Variants in KCNIP1 observed in about 807,000 individuals in gnomAD.
The protein encoded by KCNIP1 is potassium voltage-gated channel interacting protein 1.
KCNIP1 carries 18 observed loss-of-function variants against 33.0 expected under a neutral mutation model. The ratio of observed to expected loss-of-function variants is 0.55; its 90% CI spans 0.38 to 0.81. The LOEUF is 0.81. Among genes scored for constraint, KCNIP1 ranks in the 30% least tolerant of loss-of-function variants. The pLI is 0.00. For missense variants in KCNIP1, 238 were observed against 271.6 expected (o/e 0.88, Z 0.87); for synonymous variants, 93 against 98.3 (o/e 0.95, Z 0.32).
chr5:170,471,670 C>T (rs1756731213), intron 1 of KCNIP1, among the ~76,000 whole-genome samples: 1 of 152,146 alleles, frequency 6.6e-6, no homozygotes, highest in South Asian at 2.1e-4. Flanking sequence ...GGGCCAGGTG[C>T]TGAACTGAAC....
chr5:170,644,884 T>G (rs1760726141), intron 1 of KCNIP1, among the ~76,000 whole-genome samples: 1 of 152,204 alleles, frequency 6.6e-6, no homozygotes, highest in Admixed American at 6.5e-5. Flanking sequence ...GGCCCCAACA[T>G]AGCTTGGCCT....
intron 1 of KCNIP1, among the ~76,000 whole-genome samples, chr5:170,359,605 C>G (rs997870826): frequency 6.6e-6 from 1 of 152,192 alleles, no homozygotes; most frequent in African/African-American, 2.4e-5. Context: ...TGCTTTGTCA[C>G]AGGAAGAAAG....
intron 1 of KCNIP1, among the ~76,000 whole-genome samples, chr5:170,470,177 T>C (rs1279806115): frequency 6.6e-6 from 1 of 152,020 alleles, no homozygotes; most frequent in Non-Finnish European, 1.5e-5. Context: ...GCCCCCACTT[T>C]CTCCTTTCCT....
intron 1 of KCNIP1, among the ~76,000 whole-genome samples, chr5:170,395,424 T>A (rs1371768551): frequency 6.6e-6 from 1 of 152,196 alleles, no homozygotes; most frequent in Non-Finnish European, 1.5e-5. Flanking sequence ...TCGGGATAGA[T>A]TTCATCAAAG....
intron 1 of KCNIP1, among the ~76,000 whole-genome samples, chr5:170,477,090 T>C (rs1756872388): frequency 1.3e-5 from 2 of 152,176 alleles, no homozygotes; most frequent in Non-Finnish European, 2.9e-5. Context: ...TACTTTCTGC[T>C]CAATTTTACT....
In KCNIP1 at chr5:170,354,087, G is replaced by T. The variant is rs551962950; in HGVS notation, c.88+123G>T. ...GGTCTTGGAAAAAGCTGGGGAAATT[G>T]GTGGCTGGGATTCGAGGTTGCTGAC... is the stretch of plus-strand genomic sequence containing the variant. On this transcript the variant is annotated intron_variant, in intron 1 of 7. Coordinates refer to the KCNIP1 transcript ENST00000377360. The T allele has an allele frequency of 1.1e-4, 100 of 940,456 alleles. No individual in the cohort carries two copies. The East Asian group carries it at 2.5e-3, about 23-fold the overall frequency. The allele number at this position is 940,456 out of a possible 1,614,324, so 58.3% of individuals were successfully genotyped here.
At chr5:170,583,519 TCTCTC>T (rs1757875564) in intron 1 of KCNIP1, among the ~76,000 whole-genome samples, 1 of 152,122 alleles carries the variant, frequency 6.6e-6, no homozygotes, top group Non-Finnish European at 1.5e-5. Flanking sequence ...GCATCTAAGT[TCTCTC>T]CTTCCTCTCC....
At position 170,685,733 on chromosome 5, in the gene KCNIP1, C is replaced by T. The variant is rs902549525; in HGVS notation, c.62-33025C>T. 3.3e-5 allele frequency among the ~76,000 whole-genome samples: 5 copies of T among 152,066 alleles called. No homozygotes were observed. In the South Asian group the frequency reaches 1.0e-3, roughly 32 times the overall value. ...CGAACTCCTGACCTCAGGTGATCCA[C>T]CCACCTCGGCCTCCCAAAGTGCTGG... On this transcript the variant is annotated intron_variant, in intron 1 of 7. Coordinates refer to ENST00000328939, the MANE Select transcript of KCNIP1 (RefSeq NM_014592.4).
chr5:170,451,733 G>GTGTGTGTGTT (rs1485965335), intron 1 of KCNIP1, among the ~76,000 whole-genome samples: 1 of 134,340 alleles, frequency 7.4e-6, no homozygotes, highest in Non-Finnish European at 1.7e-5. Context: ...TTGTGTGTGT[G>GTGTGTGTGTT]TGTGTGTGTG....
At chr5:170,714,666 T>C (rs966113852) in intron 1 of KCNIP1, among the ~76,000 whole-genome samples, 4 of 152,086 alleles carry the variant, frequency 2.6e-5, no homozygotes, top group Non-Finnish European at 4.4e-5. Context: ...GTGTCTTCAT[T>C]TGTAATTTTA....
chr5:170,644,641 G>C (rs747236711), intron 1 of KCNIP1, among the ~76,000 whole-genome samples: 5 of 152,204 alleles, frequency 3.3e-5, no homozygotes, highest in Non-Finnish European at 7.3e-5. Context: ...AATGACTGAG[G>C]TTTCCAGCTA....
At chr5:170,378,855 T>C in intron 1 of KCNIP1, 2 of 1,614,246 alleles carry the variant, frequency 1.2e-6, no homozygotes, top group Non-Finnish European at 1.7e-6. Context: ...GCTGGTTTCG[T>C]TCCCCCGAGG....
At chr5:170,401,189 G>A (rs541482730) in intron 1 of KCNIP1, among the ~76,000 whole-genome samples, 1 of 152,302 alleles carries the variant, frequency 6.6e-6, no homozygotes, top group African/African-American at 2.4e-5. Flanking sequence ...TACAGGGCTG[G>A]CAGTCCCAGG....
rs117451813 is a variant in KCNIP1, at chr5:170,641,757, C to T, written c.62-77001C>T. Among the ~76,000 whole-genome samples, 140 of 152,314 alleles carry T rather than the reference C, an allele frequency of 9.2e-4. 2 individuals carry two copies. The East Asian group carries it at 0.02, about 21-fold the overall frequency. Reference sequence around the variant, plus strand: ...CTGCCTGCTCCAAGGGAGGCATCTCCCCACGATCTACGACATTGGCTTCAA... The same window carrying T: ...CTGCCTGCTCCAAGGGAGGCATCTCTCCACGATCTACGACATTGGCTTCAA... On this transcript the variant is annotated intron_variant, in intron 1 of 7. Transcript: ENST00000328939.
chr5:170,477,735 C>T (rs568784144), intron 1 of KCNIP1, among the ~76,000 whole-genome samples: 1 of 152,284 alleles, frequency 6.6e-6, no homozygotes, highest in African/African-American at 2.4e-5. Flanking sequence ...AGTGAAAGCA[C>T]CTGGCCGGGT....
chr5:170,533,091 C>T (rs1755841958), intron 1 of KCNIP1, among the ~76,000 whole-genome samples: 1 of 152,214 alleles, frequency 6.6e-6, no homozygotes, highest in African/African-American at 2.4e-5. Flanking sequence ...TGTTTAGAAA[C>T]TCAGGAGACA....
At chr5:170,404,967 C>T (rs977500637) in intron 1 of KCNIP1, among the ~76,000 whole-genome samples, 3 of 152,126 alleles carry the variant, frequency 2.0e-5, no homozygotes, top group African/African-American at 7.2e-5. Context: ...AGATGACTTC[C>T]GGTTCTCCAG....
chr5:170,588,025 A>C (rs1003314189), intron 1 of KCNIP1, among the ~76,000 whole-genome samples: 1 of 152,240 alleles, frequency 6.6e-6, no homozygotes, highest in South Asian at 2.1e-4. Flanking sequence ...ATTGGCTTTC[A>C]TGGGTTAAGG....
At chr5:170,513,045 A>G (rs1369959265) in intron 1 of KCNIP1, among the ~76,000 whole-genome samples, 2 of 150,508 alleles carry the variant, frequency 1.3e-5, no homozygotes, top group Admixed American at 6.6e-5. Flanking sequence ...GCGAGACTCC[A>G]TCTTGGAAAA....
Sources: allele counts gnomAD v4.1 joint callset (sites outside exome capture counted in the v4.1 genomes callset), GRCh38; gene constraint gnomAD v4.1.1; transcripts MANE v1.5; gene names NCBI Gene and HGNC (gene_info 2026-07-23, HGNC 2026-07-21).